Variants in GRAMD2B observed in about 807,000 individuals in gnomAD.
GRAMD2B encodes the protein GRAM domain containing 2B.
A neutral mutation model predicts 59.2 loss-of-function variants in GRAMD2B; 41 were observed. The ratio of observed to expected loss-of-function variants is 0.69; its 90% CI spans 0.54 to 0.90. GRAMD2B has a LOEUF of 0.90. Ranked by LOEUF, GRAMD2B falls within the 40% of genes least tolerant of loss-of-function variation. The pLI is 0.00. For synonymous variants in GRAMD2B, 161 were observed against 182.7 expected (o/e 0.88, Z 0.96); for missense variants, 424 against 500.5 (o/e 0.85, Z 1.46).
intron 1 of GRAMD2B, among the ~76,000 whole-genome samples, chr5:126,374,299 A>G (rs1198574942): frequency 6.6e-6 from 1 of 152,174 alleles, no homozygotes; most frequent in African/African-American, 2.4e-5. Flanking sequence ...TGGGTTTAAT[A>G]TATGTTAAAC....
At chr5:126,417,833 A>G (rs1280099943) in intron 1 of GRAMD2B, among the ~76,000 whole-genome samples, 1 of 151,860 alleles carries the variant, frequency 6.6e-6, no homozygotes. Flanking sequence ...TGGCACATTC[A>G]CTCTCCTACA....
rs776272144 is a variant in GRAMD2B at position 126,484,544 on chromosome 5, G to T, written c.970+20G>T. On this transcript the variant is annotated intron_variant, in intron 10 of 13. Transcript: ENST00000285689. ...TACAGGGTAAGGAATGGATGTCTCA[G>T]GGGGGTGGGTTTAGAAGGATTGGAG... 1.3e-5 allele frequency: 20 copies of T among 1,596,022 alleles called. No homozygotes were observed. Among genetic ancestry groups the T allele is most frequent in the African/African-American group, 2.7e-5 (2 of 73,836 alleles).
intron 1 of GRAMD2B, among the ~76,000 whole-genome samples, chr5:126,379,319 G>C (rs752449717): frequency 3.1e-4 from 47 of 151,994 alleles, no homozygotes; most frequent in Non-Finnish European, 1.8e-4. Context: ...TGGGCATTTG[G>C]GCTGGTTCCA....
intron 1 of GRAMD2B, among the ~76,000 whole-genome samples, chr5:126,381,913 G>T (rs1433788818): frequency 6.6e-6 from 1 of 152,020 alleles, no homozygotes; most frequent in African/African-American, 2.4e-5. Flanking sequence ...CTCAGCATTT[G>T]TTTGTCTGAA....
At chr5:126,371,575 C>G in intron 1 of GRAMD2B, 1 of 1,283,094 alleles carries the variant, frequency 7.8e-7, no homozygotes, top group Non-Finnish European at 1.0e-6. Flanking sequence ...CAGGTGGGTA[C>G]AGCCTGGGCC....
chr5:126,425,891 T>A (rs1016368693), intron 1 of GRAMD2B, among the ~76,000 whole-genome samples: 10 of 152,136 alleles, frequency 6.6e-5, no homozygotes, highest in Non-Finnish European at 1.5e-5. Flanking sequence ...AGGGAGTTGA[T>A]CAGAGGGTAC....
chr5:126,468,730 C>A (rs144277962), intron 2 of GRAMD2B, among the ~76,000 whole-genome samples: 1 of 151,972 alleles, frequency 6.6e-6, no homozygotes, highest in Admixed American at 6.6e-5. Context: ...TCAGGTGGTC[C>A]GCCCACCTTG....
At chr5:126,411,400 G>T (rs944961015) in intron 1 of GRAMD2B, among the ~76,000 whole-genome samples, 3 of 151,950 alleles carry the variant, frequency 2.0e-5, no homozygotes, top group African/African-American at 7.2e-5. Context: ...TTTGTCAAAG[G>T]TCAGATGACT....
chr5:126,411,153 G>C (rs972659631), intron 1 of GRAMD2B, among the ~76,000 whole-genome samples: 19 of 151,976 alleles, frequency 1.3e-4, no homozygotes, highest in African/African-American at 4.3e-4. Context: ...AGTTGCTTTT[G>C]AGGATAATCA....
chr5:126,418,710 C>T (rs1197894629), upstream of GRAMD2B, among the ~76,000 whole-genome samples: 3 of 152,184 alleles, frequency 2.0e-5, no homozygotes, highest in African/African-American at 7.2e-5. Flanking sequence ...TTCATATTGA[C>T]ATAAATCATT....
chr5:126,451,285 T>C (rs941751025), intron 1 of GRAMD2B, among the ~76,000 whole-genome samples: 8 of 152,372 alleles, frequency 5.3e-5, no homozygotes, highest in Middle Eastern at 3.4e-3. Flanking sequence ...TTTGCATTGC[T>C]ATAAAAGAAT....
At chr5:126,405,703 A>G (rs1438758015) in intron 1 of GRAMD2B, among the ~76,000 whole-genome samples, 5 of 150,798 alleles carry the variant, frequency 3.3e-5, no homozygotes, top group African/African-American at 7.3e-5. Context: ...TTTTTTTTCA[A>G]TCTAGAAATT....
chr5:126,483,599 C>A, intron 9 of GRAMD2B, 25 bp downstream of exon 9: 4 of 1,336,364 alleles, frequency 3.0e-6, no homozygotes, highest in Non-Finnish European at 3.2e-6. Context: ...TGTATTTTGA[C>A]TAAAATTTAA....
intron 1 of GRAMD2B, among the ~76,000 whole-genome samples, chr5:126,403,224 T>G (rs537218988): frequency 1.1e-4 from 17 of 152,086 alleles, no homozygotes; most frequent in African/African-American, 4.1e-4. Context: ...AAACAAGTTT[T>G]TAAAAAATGA....
chr5:126,380,542 T>C (rs1488468896), intron 1 of GRAMD2B, among the ~76,000 whole-genome samples: 1 of 152,246 alleles, frequency 6.6e-6, no homozygotes, highest in Non-Finnish European at 1.5e-5. Context: ...GCATGGGATG[T>C]ATTTCCATTT....
chr5:126,471,865 G>A (rs1232170916), intron 3 of GRAMD2B, among the ~76,000 whole-genome samples: 1 of 152,150 alleles, frequency 6.6e-6, no homozygotes, highest in African/African-American at 2.4e-5. Context: ...TTGAACCACT[G>A]TACTCTTCTG....
chr5:126,402,624 G>A (rs1466830427), intron 1 of GRAMD2B, among the ~76,000 whole-genome samples: 1 of 151,968 alleles, frequency 6.6e-6, no homozygotes, highest in East Asian at 1.9e-4. Context: ...AAGGGTTACT[G>A]AACACCAAAC....
chr5:126,442,705 G>C (rs2074362809), intron 1 of GRAMD2B, among the ~76,000 whole-genome samples: 1 of 152,098 alleles, frequency 6.6e-6, no homozygotes, highest in Non-Finnish European at 1.5e-5. Context: ...ATCTGGTCTA[G>C]TTTAAGGTAC....
intron 1 of GRAMD2B, among the ~76,000 whole-genome samples, chr5:126,394,366 T>C (rs1757165212): frequency 6.6e-6 from 1 of 152,070 alleles, no homozygotes; most frequent in South Asian, 2.1e-4. Flanking sequence ...TGAGTATCAG[T>C]TCAGGTATTT....
Sources: allele counts gnomAD v4.1 joint callset (sites outside exome capture counted in the v4.1 genomes callset), GRCh38; gene constraint gnomAD v4.1.1; transcripts MANE v1.5; gene names NCBI Gene and HGNC (gene_info 2026-07-23, HGNC 2026-07-21).